Variants in MGAT4C observed in about 807,000 individuals in gnomAD.
The protein encoded by MGAT4C is MGAT4 family member C, also known as alpha-1,3-mannosyl-glycoprotein 4-beta-N-acetylglucosaminyltransferase C.
MGAT4C carries 19 observed loss-of-function variants against 40.1 expected under a neutral mutation model. The observed-to-expected ratio is 0.47, with a 90% confidence interval of 0.33 to 0.70. The LOEUF is 0.70. MGAT4C is among the 30% of genes least tolerant of loss of function. The probability of loss-of-function intolerance (pLI) is 0.02; values close to 1 mark genes in which losing one functional copy is unlikely to be tolerated. For synonymous variants in MGAT4C, 181 were observed against 187.1 expected, an observed-to-expected ratio of 0.97 and a Z score of 0.27; for missense variants, 491 against 563.2, an observed-to-expected ratio of 0.87 and a Z score of 1.30.
chr12:86,552,923 T>C (rs1355480246), intron 2 of MGAT4C, among the ~76,000 whole-genome samples: 1 of 152,100 alleles, frequency 6.6e-6, no homozygotes, highest in Non-Finnish European at 1.5e-5. Flanking sequence ...TTATTACTTG[T>C]AATGGCAAAA....
chr12:86,726,461 A>G (rs1256897795), intron 2 of MGAT4C, among the ~76,000 whole-genome samples: 2 of 152,156 alleles, frequency 1.3e-5, no homozygotes, highest in Non-Finnish European at 2.9e-5. Context: ...CTTCTTATTC[A>G]CTGGCATGAA....
At chr12:86,381,214 T>C (rs1442340730) in intron 3 of MGAT4C, among the ~76,000 whole-genome samples, 1 of 152,076 alleles carries the variant, frequency 6.6e-6, no homozygotes, top group East Asian at 1.9e-4. Flanking sequence ...TTTGACAGGA[T>C]AGATTAAAAA....
intron 1 of MGAT4C, among the ~76,000 whole-genome samples, chr12:86,806,706 T>A (rs140600910): frequency 1.3e-5 from 2 of 151,920 alleles, no homozygotes; most frequent in Non-Finnish European, 2.9e-5. Context: ...TTTGAAAATG[T>A]CTTCCTTTCT....
At chr12:86,636,494 C>A (rs1304869334) in intron 2 of MGAT4C, among the ~76,000 whole-genome samples, 1 of 151,896 alleles carries the variant, frequency 6.6e-6, no homozygotes, top group Non-Finnish European at 1.5e-5. Context: ...AAGATGAGGT[C>A]ATAAAGGCAG....
At position 85,966,718 on chromosome 12, in the gene MGAT4C, C is replaced by T. The variant is rs956638597; in HGVS notation, c.*12571G>A. 4 of 152,014 alleles carry T rather than the reference C, an allele frequency of 2.6e-5. No homozygotes were observed. Among genetic ancestry groups the T allele is most frequent in the African/African-American group, 9.7e-5 (4 of 41,376 alleles). The allele number at this position is 152,014 out of a possible 1,614,324, so 9.4% of individuals were successfully genotyped here. On this transcript the variant is annotated 3_prime_UTR_variant, in exon 5 of 5. Transcript: ENST00000611864. ...TATACACCATGGAATACTATGCAGCCATAAAAAATGATGAGTTCATGTCCT... is the reference window on the plus strand; with the variant it reads ...TATACACCATGGAATACTATGCAGCTATAAAAAATGATGAGTTCATGTCCT...
At chr12:86,770,667 A>G (rs971575714) in intron 1 of MGAT4C, among the ~76,000 whole-genome samples, 41 of 152,142 alleles carry the variant, frequency 2.7e-4, no homozygotes, top group African/African-American at 9.4e-4. Context: ...GTTAAACACC[A>G]TAAGCATCAA....
intron 1 of MGAT4C, among the ~76,000 whole-genome samples, chr12:86,816,433 C>T (rs552221331): frequency 6.3e-4 from 95 of 151,648 alleles, no homozygotes; most frequent in African/African-American, 2.2e-3. Context: ...GTATACATTG[C>T]TGGTATAGGT....
chr12:86,343,673 C>G (rs1954950388), intron 3 of MGAT4C, among the ~76,000 whole-genome samples: 1 of 152,122 alleles, frequency 6.6e-6, no homozygotes. Context: ...AGATACAACA[C>G]TATGTATTAC....
intron 2 of MGAT4C, among the ~76,000 whole-genome samples, chr12:86,724,884 C>T (rs552620641): frequency 6.6e-6 from 1 of 152,158 alleles, no homozygotes; most frequent in Non-Finnish European, 1.5e-5. Context: ...GTGCTGAAAG[C>T]GGATGTTAAG....
chr12:86,814,229 AT>A (rs1952539101), intron 1 of MGAT4C, among the ~76,000 whole-genome samples: 1 of 149,326 alleles, frequency 6.7e-6, no homozygotes, highest in Non-Finnish European at 1.5e-5. Context: ...TTATCTAATT[AT>A]TTGGCATATA....
chr12:86,476,348 C>T (rs1012622332), intron 2 of MGAT4C, among the ~76,000 whole-genome samples: 1 of 152,076 alleles, frequency 6.6e-6, no homozygotes, highest in South Asian at 2.1e-4. Context: ...CTCCACATCA[C>T]TAATCATCAG....
Position 85,971,414 on chromosome 12 carries a change from G to C in MGAT4C, c.*7875C>G, listed in dbSNP as rs1883617346. On this transcript the variant is annotated 3_prime_UTR_variant, in exon 5 of 5. Coordinates refer to ENST00000611864, the MANE Select transcript of MGAT4C (RefSeq NM_001351288.2). ...TGATCGGTTTAGATTGCTTTAACTT[G>C]AAGGACACTTATATTTTGTATCACT... is the stretch of plus-strand genomic sequence containing the variant. 1 of 151,098 alleles carries C rather than the reference G, an allele frequency of 6.6e-6. No individual in the cohort carries two copies. Among genetic ancestry groups the C allele is most frequent in the African/African-American group, 2.4e-5 (1 of 41,338 alleles). The allele number at this position is 151,098 out of a possible 1,614,324, so 9.4% of individuals were successfully genotyped here.
At chr12:86,696,680 C>T (rs1189445694) in intron 2 of MGAT4C, among the ~76,000 whole-genome samples, 1 of 152,156 alleles carries the variant, frequency 6.6e-6, no homozygotes, top group Admixed American at 6.6e-5. Context: ...TATTCCAAAG[C>T]TGTGATATCC....
intron 1 of MGAT4C, among the ~76,000 whole-genome samples, chr12:86,078,145 A>G (rs890258557): frequency 6.6e-6 from 1 of 152,136 alleles, no homozygotes; most frequent in Non-Finnish European, 1.5e-5. Flanking sequence ...AATCATGGCT[A>G]TGGGAGAAAC....
chr12:85,997,953 T>C (rs1886816304), intron 2 of MGAT4C, among the ~76,000 whole-genome samples: 1 of 152,188 alleles, frequency 6.6e-6, no homozygotes, highest in Admixed American at 6.5e-5. Context: ...TGACCCCACA[T>C]TTCCCTTCTG....
intron 1 of MGAT4C, among the ~76,000 whole-genome samples, chr12:86,728,670 G>T (rs1023518763): frequency 6.6e-6 from 1 of 152,168 alleles, no homozygotes; most frequent in Non-Finnish European, 1.5e-5. Context: ...CAGCCTGGGT[G>T]ACAGAGTGAG....
At chr12:86,504,342 ATTC>A (rs1958432478) in intron 2 of MGAT4C, among the ~76,000 whole-genome samples, 4 of 152,178 alleles carry the variant, frequency 2.6e-5, no homozygotes. Flanking sequence ...GTGCTAGAAT[ATTC>A]ATAGAAGCAA....
rs1313648792 is a variant in MGAT4C at position 86,413,128 on chromosome 12, TAAATAA to T, written c.-120+22023_-120+22028del. On this transcript the variant is annotated intron_variant, in intron 3 of 7. Coordinates refer to the MGAT4C transcript ENST00000548651. Reference sequence around the variant, plus strand: ...ATTTTATGTTAAATTGTGTGTCTGATAAATAAAAATAAAATTGACTTTTGTATACTG... The same window carrying T: ...ATTTTATGTTAAATTGTGTGTCTGATAAATAAAATTGACTTTTGTATACTG... Among the ~76,000 whole-genome samples, 4 of 152,152 alleles carry T rather than the reference TAAATAA, an allele frequency of 2.6e-5. No individual in the cohort carries two copies. The South Asian group carries it at 6.2e-4, about 24-fold the overall frequency.
At position 85,960,391 on chromosome 12, in the gene MGAT4C, C is replaced by T. The variant is rs1367326997; in HGVS notation, c.*18898G>A. ...TCAAGTCTGAATTATGACTTCACTA[C>T]TGTGTCGTCATTGGTAGAATAAGGA... On this transcript the variant is annotated 3_prime_UTR_variant, in exon 5 of 5. Transcript: ENST00000611864. 6.6e-6 allele frequency: 1 copy of T among 152,046 alleles called. No individual in the cohort carries two copies. Among genetic ancestry groups the T allele is most frequent in the Non-Finnish European group, 1.5e-5 (1 of 67,932 alleles). The allele number at this position is 152,046 out of a possible 1,614,324, so 9.4% of individuals were successfully genotyped here.
Sources: gnomAD v4.1 joint callset for allele counts (sites outside exome capture counted in the v4.1 genomes callset) on GRCh38, gnomAD v4.1.1 for gene constraint, MANE v1.5 for transcripts, NCBI Gene and HGNC (gene_info 2026-07-23, HGNC 2026-07-21) for gene names.